Variants in SH3RF3 observed in about 807,000 individuals in gnomAD.
The protein encoded by SH3RF3 is E3 ubiquitin-protein ligase SH3RF3.
Under a neutral mutation model 66.3 loss-of-function variants are expected in SH3RF3, and 29 were observed. The ratio of observed to expected loss-of-function variants is 0.44; its 90% confidence interval spans 0.33 to 0.60. SH3RF3 has a LOEUF of 0.60. Among genes scored for constraint, SH3RF3 ranks in the 20% least tolerant of loss-of-function variants. SH3RF3 has a pLI of 0.04. For synonymous variants in SH3RF3, 583 were observed against 532.0 expected (o/e 1.10, Z -1.32); for missense variants, 1,194 against 1,190.9 (o/e 1.00, Z -0.04).
chr2:109,434,013 G>A (rs1203596124), intron 6 of SH3RF3, among the ~76,000 whole-genome samples: 1 of 152,200 alleles, frequency 6.6e-6, no homozygotes, highest in African/African-American at 2.4e-5. Context: ...GAAGGTCTCT[G>A]GTCTGGATTT....
intron 5 of SH3RF3, among the ~76,000 whole-genome samples, chr2:109,421,319 G>T (rs1255493857): frequency 2.0e-5 from 3 of 152,222 alleles, no homozygotes; most frequent in Admixed American, 6.5e-5. Context: ...CCAGCTGAAT[G>T]CCTGTACACA....
At chr2:109,303,177 A>G (rs546802535) in intron 1 of SH3RF3, among the ~76,000 whole-genome samples, 26 of 152,248 alleles carry the variant, frequency 1.7e-4, no homozygotes, top group African/African-American at 5.5e-4. Flanking sequence ...CGCCCGGCCG[A>G]TCTCCTTAGT....
At chr2:109,221,581 CA>C (rs60310731) in intron 1 of SH3RF3, among the ~76,000 whole-genome samples, 11,951 of 63,340 alleles carry the variant, frequency 0.19, 654 homozygotes, top group East Asian at 0.43. Context: ...GACTCCATCT[CA>C]AAAAAAAAAA....
intron 1 of SH3RF3, among the ~76,000 whole-genome samples, chr2:109,192,187 C>A (rs1678384268): frequency 6.6e-6 from 1 of 152,180 alleles, no homozygotes; most frequent in African/African-American, 2.4e-5. Context: ...ACTAACTCGT[C>A]CACTCCACAG....
intron 1 of SH3RF3, among the ~76,000 whole-genome samples, chr2:109,297,788 A>G (rs1681354083): frequency 6.7e-6 from 1 of 150,040 alleles, no homozygotes; most frequent in Non-Finnish European, 1.5e-5. Flanking sequence ...ATTGCCCCCA[A>G]CTAGGTCAGC....
At chr2:109,227,583 C>T (rs1052635616) in intron 1 of SH3RF3, among the ~76,000 whole-genome samples, 3 of 152,168 alleles carry the variant, frequency 2.0e-5, no homozygotes, top group Admixed American at 1.3e-4. Context: ...AGATCCCTGG[C>T]TCTTGGGATT....
At chr2:109,192,518 T>C (rs1435917906) in intron 1 of SH3RF3, among the ~76,000 whole-genome samples, 1 of 152,222 alleles carries the variant, frequency 6.6e-6, no homozygotes. Context: ...AAGCCTTTCT[T>C]ATAGAGATTT....
rs187640026 is a variant in SH3RF3, at chr2:109,413,455, G to A, written c.1300-6084G>A. 7.9e-5 allele frequency among the ~76,000 whole-genome samples: 12 copies of A among 152,286 alleles called. No individual in the cohort carries two copies. The East Asian group carries it at 1.7e-3, about 22-fold the overall frequency. ...GATTCATTCTTAACAGGAAACTGCC[G>A]GGGCTACAGGCTTTTTTTCCTGCCC... On this transcript the variant is annotated intron_variant, in intron 4 of 9. Coordinates refer to ENST00000309415, the MANE Select transcript of SH3RF3 (RefSeq NM_001099289.3).
intron 1 of SH3RF3, among the ~76,000 whole-genome samples, chr2:109,269,770 G>A (rs948315258): frequency 3.9e-5 from 6 of 152,146 alleles, no homozygotes; most frequent in African/African-American, 7.2e-5. Flanking sequence ...CAGAGCAGCC[G>A]GGAGGGGTGA....
rs111544901 is a variant in SH3RF3, at chr2:109,398,117, A to G, written c.946-473A>G. Among the ~76,000 whole-genome samples the G allele has an allele frequency of 4.6e-3, 702 of 152,286 alleles. 3 individuals carry two copies. Among genetic ancestry groups the G allele is most frequent in the Middle Eastern group, 0.01 (3 of 294 alleles). On this transcript the variant is annotated intron_variant, in intron 3 of 9. Transcript: ENST00000309415. ...GCCACAGCCGGTCACCAGCCATTAG[A>G]AAGTGCATTCCAGTCACATGCTTTG... is the stretch of plus-strand genomic sequence containing the variant.
At chr2:109,436,209 C>T (rs114698374) in intron 6 of SH3RF3, among the ~76,000 whole-genome samples, 1,524 of 152,314 alleles carry the variant, frequency 0.01, 31 homozygotes, top group African/African-American at 0.035. Context: ...AAACTGAATC[C>T]ACAGAAGCTT....
chr2:109,332,831 A>G (rs1433171109), intron 1 of SH3RF3, among the ~76,000 whole-genome samples: 1 of 152,246 alleles, frequency 6.6e-6, no homozygotes, highest in Non-Finnish European at 1.5e-5. Flanking sequence ...CGTGCACAGT[A>G]TGTTAATTGT....
At chr2:109,133,532 T>C (rs895511866) in intron 1 of SH3RF3, among the ~76,000 whole-genome samples, 2 of 152,214 alleles carry the variant, frequency 1.3e-5, no homozygotes, top group Non-Finnish European at 2.9e-5. Flanking sequence ...AGTCACCTTT[T>C]ATGATTTTCT....
chr2:109,134,942 T>C (rs1464828771), intron 1 of SH3RF3, among the ~76,000 whole-genome samples: 1 of 152,216 alleles, frequency 6.6e-6, no homozygotes, highest in African/African-American at 2.4e-5. Context: ...GTAAGTGACA[T>C]GAACAGGACA....
At chr2:109,392,142 A>G (rs1353557341) in intron 3 of SH3RF3, among the ~76,000 whole-genome samples, 1 of 152,224 alleles carries the variant, frequency 6.6e-6, no homozygotes, top group Non-Finnish European at 1.5e-5. Context: ...TTAAAGACCC[A>G]CATTTGAATC....
intron 8 of SH3RF3, among the ~76,000 whole-genome samples, chr2:109,462,890 C>T (rs182286563): frequency 3.0e-4 from 45 of 152,306 alleles, no homozygotes; most frequent in African/African-American, 9.9e-4. Flanking sequence ...ATTTGGCTCT[C>T]GTCAACTTAG....
At position 109,208,284 on chromosome 2, in the gene SH3RF3, G is replaced by C. The variant is rs200286081; in HGVS notation, c.573+78171G>C. ...GAATTGCAGATCCACAGACACTCCTGCCACCTGCAGGTGGGGCATATCCCT... is the reference window on the plus strand; with the variant it reads ...GAATTGCAGATCCACAGACACTCCTCCCACCTGCAGGTGGGGCATATCCCT... On this transcript the variant is annotated intron_variant, in intron 1 of 9. Transcript: ENST00000309415. 2.0e-5 allele frequency among the ~76,000 whole-genome samples: 3 copies of C among 152,360 alleles called. No homozygotes were observed. In the East Asian group the frequency reaches 5.8e-4, roughly 29 times the overall value.
At chr2:109,420,051 TG>T (rs1332103388) in intron 5 of SH3RF3, among the ~76,000 whole-genome samples, 1 of 152,192 alleles carries the variant, frequency 6.6e-6, no homozygotes, top group Non-Finnish European at 1.5e-5. Context: ...TGCTTGGAAG[TG>T]GTTCTGTGTT....
At position 109,375,598 on chromosome 2, in the gene SH3RF3, G is replaced by C. The variant is rs371703777; in HGVS notation, c.945+3917G>C. Among the ~76,000 whole-genome samples the C allele has an allele frequency of 1.3e-3, 195 of 152,356 alleles. 2 individuals are homozygous for C. Among genetic ancestry groups the C allele is most frequent in the African/African-American group, 3.9e-3 (162 of 41,582 alleles). ...AAGGCGCTTGTTCTAAGGGGAGTGA[G>C]GATGAGCCAGTCTGAGGAATTCCTC... On this transcript the variant is annotated intron_variant, in intron 3 of 9. Coordinates refer to ENST00000309415, the MANE Select transcript of SH3RF3 (RefSeq NM_001099289.3).
Sources: gnomAD v4.1 joint callset for allele counts (sites outside exome capture counted in the v4.1 genomes callset) on GRCh38, gnomAD v4.1.1 for gene constraint, MANE v1.5 for transcripts, NCBI Gene and HGNC (gene_info 2026-07-23, HGNC 2026-07-21) for gene names.